The following LRRC37B variants were observed in gnomAD, a reference collection of about 807,000 sequenced individuals.
LRRC37B encodes the protein leucine-rich repeat-containing protein 37B.
A neutral mutation model predicts 98.3 loss-of-function variants in LRRC37B; 28 were observed. The ratio of observed to expected loss-of-function variants is 0.28; its 90% CI spans 0.21 to 0.39. The LOEUF (loss-of-function observed/expected upper bound fraction) is 0.39, where lower values mean the gene tolerates loss of function less well. Ranked by LOEUF, LRRC37B falls within the 10% of genes least tolerant of loss-of-function variation. The pLI, the probability that LRRC37B is intolerant of heterozygous loss-of-function variation, is 1.00. For synonymous variants in LRRC37B, 364 were observed against 442.7 expected (o/e 0.82, Z 2.23); for missense variants, 938 against 1,182.7 (o/e 0.79, Z 3.03).
chr17:32,022,265 T>C (rs758173030), exon 1 of LRRC37B: 54 of 1,613,768 alleles, frequency 3.3e-5, no homozygotes, highest in African/African-American at 4.0e-5. Flanking sequence ...CAATTCAGCC[T>C]CCCGAGGAGG....
intron 5 of LRRC37B, among the ~76,000 whole-genome samples, chr17:32,033,302 A>AG (rs1555535638): frequency 1.5e-5 from 2 of 137,870 alleles, no homozygotes; most frequent in African/African-American, 5.2e-5. Flanking sequence ...TTAACTCAAA[A>AG]GAAGGAAGGA....
chr17:32,025,293 C>G (rs1246009558), intron 2 of LRRC37B, among the ~76,000 whole-genome samples: 1 of 151,164 alleles, frequency 6.6e-6, no homozygotes, highest in African/African-American at 2.4e-5. Context: ...ACCTTGGCCT[C>G]CTAAAGTGCT....
Position 32,024,701 on chromosome 17 carries a change from T to G in LRRC37B, c.1761-10T>G. 6.2e-7 allele frequency: 1 copy of G among 1,607,306 alleles called. No individual in the cohort carries two copies. Among genetic ancestry groups the G allele is most frequent in the Non-Finnish European group, 8.5e-7 (1 of 1,177,122 alleles). Reference sequence around the variant, plus strand: ...GCCTATTCAAGGATATAAACTGTCTTTCTTTGCAGAAATTTCCAAGGAAAC... The same window carrying G: ...GCCTATTCAAGGATATAAACTGTCTGTCTTTGCAGAAATTTCCAAGGAAAC... On this transcript the variant is annotated splice_polypyrimidine_tract_variant and intron_variant, in intron 1 of 11. Transcript: ENST00000327564.
chr17:32,030,291 A>T (rs1248171990), intron 3 of LRRC37B, among the ~76,000 whole-genome samples: 1 of 152,058 alleles, frequency 6.6e-6, no homozygotes, highest in Non-Finnish European at 1.5e-5. Flanking sequence ...CTAAACTAGG[A>T]AGGTGTATAA....
chr17:32,050,041 A>C, exon 11 of LRRC37B: 1 of 1,592,516 alleles, frequency 6.3e-7, no homozygotes, highest in South Asian at 1.1e-5. Context: ...ATAAGAACAA[A>C]CTCATCTTCG....
Position 32,047,393 on chromosome 17 carries a change from G to A in LRRC37B, c.2324-368G>A, listed in dbSNP as rs545774749. ...TTGTGCTCTCTCTGCATATGAGGCAGGACAGCACAGGGTATGGAGCAGTCT... is the reference window on the plus strand; with the variant it reads ...TTGTGCTCTCTCTGCATATGAGGCAAGACAGCACAGGGTATGGAGCAGTCT... On this transcript the variant is annotated intron_variant, in intron 8 of 11. Transcript: ENST00000327564. 1.0e-3 allele frequency: 321 copies of A among 319,758 alleles called. 2 individuals carry two copies. Among genetic ancestry groups the A allele is most frequent in the African/African-American group, 6.2e-3 (289 of 46,828 alleles). 19.8% of individuals were successfully genotyped at this position (319,758 alleles called of 1,614,324 possible).
chr17:32,050,189 G>A (rs747289325), intron 11 of LRRC37B, 82 bp downstream of exon 14: 17 of 786,732 alleles, frequency 2.2e-5, no homozygotes, highest in East Asian at 1.3e-4. Context: ...GAAAACCAAC[G>A]TCACTTTCCC....
chr17:32,015,276 C>T (rs1365720293), intron 1 of LRRC37B, among the ~76,000 whole-genome samples: 1 of 152,216 alleles, frequency 6.6e-6, no homozygotes, highest in Non-Finnish European at 1.5e-5. Flanking sequence ...CACTATTCCA[C>T]ATCAAAAGGT....
At chr17:32,047,715 G>A (rs771951546) in intron 8 of LRRC37B, 46 bp from the exon 12 acceptor site, 28 of 1,613,296 alleles carry the variant, frequency 1.7e-5, no homozygotes, top group Non-Finnish European at 2.3e-5. Context: ...TATGAAAGAT[G>A]ATCAAAGATA....
At chr17:32,023,402 C>T (rs1484838656) in intron 1 of LRRC37B, among the ~76,000 whole-genome samples, 1 of 152,158 alleles carries the variant, frequency 6.6e-6, no homozygotes, top group African/African-American at 2.4e-5. Context: ...GGATTACAGG[C>T]GTGAGCCACC....
chr17:32,037,835 T>C (rs750932278), intron 7 of LRRC37B, among the ~76,000 whole-genome samples: 9 of 151,960 alleles, frequency 5.9e-5, no homozygotes, highest in African/African-American at 1.9e-4. Context: ...AGGCCAGGCA[T>C]GGTGGCTCAT....
intron 1 of LRRC37B, among the ~76,000 whole-genome samples, chr17:32,012,717 A>C (rs1598200345): frequency 7.0e-6 from 1 of 142,510 alleles, no homozygotes; most frequent in African/African-American, 2.6e-5. Flanking sequence ...CTCCATCTCA[A>C]ATAAATACAT....
exon 9 of LRRC37B, chr17:32,047,893 G>A: frequency 1.2e-6 from 2 of 1,614,102 alleles, no homozygotes; most frequent in Non-Finnish European, 8.5e-7. Flanking sequence ...AACTTGTCAG[G>A]CTTTGGGGGT....
intron 2 of LRRC37B, among the ~76,000 whole-genome samples, chr17:32,025,614 T>G (rs1470749331): frequency 6.6e-6 from 1 of 152,246 alleles, no homozygotes; most frequent in Non-Finnish European, 1.5e-5. Context: ...TCATAATTTC[T>G]TTCCTTCCTA....
At chr17:32,010,802 G>GC (rs1335401910) in intron 1 of LRRC37B, among the ~76,000 whole-genome samples, 1 of 152,018 alleles carries the variant, frequency 6.6e-6, no homozygotes, top group African/African-American at 2.4e-5. Flanking sequence ...CTGCTTCCCA[G>GC]CCCCCAGTAA....
intron 5 of LRRC37B, among the ~76,000 whole-genome samples, chr17:32,031,708 C>A (rs1406809416): frequency 6.6e-6 from 1 of 151,532 alleles, no homozygotes; most frequent in Non-Finnish European, 1.5e-5. Context: ...ACAAGTGACC[C>A]TCAAATTAGC....
chr17:32,047,803 A>G (rs1370206883), exon 9 of LRRC37B: 3 of 1,614,068 alleles, frequency 1.9e-6, no homozygotes, highest in Non-Finnish European at 2.5e-6. Context: ...GCGTTCATGA[A>G]GATGTTACAA....
intron 11 of LRRC37B, chr17:32,052,987 G>A (rs1911801507): frequency 9.1e-6 from 3 of 331,090 alleles, no homozygotes; most frequent in Non-Finnish European, 1.7e-5. Context: ...GGGTGTGTTG[G>A]TTATATGCAG....
At chr17:32,029,417 G>GA (rs1341745530) in intron 3 of LRRC37B, among the ~76,000 whole-genome samples, 2 of 152,138 alleles carry the variant, frequency 1.3e-5, no homozygotes, top group Non-Finnish European at 1.5e-5. Context: ...TTTATGCTCA[G>GA]AAAAAATGGG....
Sources: gnomAD v4.1 joint callset for allele counts (sites outside exome capture counted in the v4.1 genomes callset) on GRCh38, gnomAD v4.1.1 for gene constraint, MANE v1.5 for transcripts, NCBI Gene and HGNC (gene_info 2026-07-23, HGNC 2026-07-21) for gene names.